The following MROH2A variants were observed in gnomAD, a reference collection of about 807,000 sequenced individuals.
The protein encoded by MROH2A is maestro heat like repeat family member 2A.
A neutral mutation model predicts 200.4 loss-of-function variants in MROH2A; 174 were observed. That is an observed-to-expected ratio of 0.87 (90% confidence interval 0.77 to 0.98). The LOEUF (loss-of-function observed/expected upper bound fraction) is 0.98, where lower values mean the gene tolerates loss of function less well. Ranked by LOEUF, MROH2A falls within the 50% of genes least tolerant of loss-of-function variation. The pLI is 0.00. For synonymous variants in MROH2A, 829 were observed against 840.4 expected (o/e 0.99, Z 0.23); for missense variants, 2,045 against 2,139.6 (o/e 0.96, Z 0.87).
chr2:233,775,832 A>AT (rs1364035039), upstream of MROH2A: 2 of 152,236 alleles, frequency 1.3e-5, no homozygotes, highest in African/African-American at 4.8e-5. Flanking sequence ...CCCATGTGTC[A>AT]TTAGAGGGAC....
chr2:233,817,508 G>A (rs12476112), intron 27 of MROH2A, among the ~76,000 whole-genome samples: 60,001 of 151,984 alleles, frequency 0.39, 14,019 homozygotes, highest in South Asian at 0.56. Flanking sequence ...AATGAGGCAG[G>A]GGCCAAGTCC....
At chr2:233,803,902 T>A in intron 16 of MROH2A, 149 bp from the exon 17 acceptor site, 1 of 1,046,286 alleles carries the variant, frequency 9.6e-7, no homozygotes, top group African/African-American at 1.6e-5. Context: ...TCCTGTAGTG[T>A]CCTCTGCAGG....
chr2:233,793,684 T>A lies in MROH2A; in HGVS notation c.682T>A (p.Phe228Ile). 4 of 1,418,148 alleles carry A rather than the reference T, an allele frequency of 2.8e-6. No individual in the cohort carries two copies. Among genetic ancestry groups the A allele is most frequent in the Non-Finnish European group, 3.7e-6 (4 of 1,081,196 alleles). 87.8% of individuals were successfully genotyped at this position (1,418,148 alleles called of 1,614,324 possible). Residue 228 changes from phenylalanine to isoleucine, a missense_variant, in exon 7 of 42, where the codon TTC becomes ATC. Transcript: ENST00000389758. ...RQAICSAMET[F>I]CETVQFYLKH... The stretch of plus-strand genomic sequence containing the variant: ...GTTGCTGTTGGTAGCCATGGAGACC[T>A]TCTGTGAGACGGTGCAGTTTTATCT...
intron 15 of MROH2A, among the ~76,000 whole-genome samples, chr2:233,802,769 G>A (rs1702551077): frequency 6.6e-6 from 1 of 152,192 alleles, no homozygotes; most frequent in African/African-American, 2.4e-5. Flanking sequence ...CACCTACCAT[G>A]CTTGCTCCTG....
upstream of MROH2A, among the ~76,000 whole-genome samples, chr2:233,775,944 C>T (rs1357262198): frequency 6.6e-6 from 1 of 152,150 alleles, no homozygotes; most frequent in African/African-American, 2.4e-5. Flanking sequence ...GGCTTTTCCC[C>T]CTCTTGCTCA....
intron 38 of MROH2A, 98 bp downstream of exon 38, chr2:233,829,873 T>C (rs1017208470): frequency 2.6e-6 from 3 of 1,151,134 alleles, no homozygotes; most frequent in Non-Finnish European, 3.3e-6. Flanking sequence ...TGCAAGCTTT[T>C]CTCTGCCTCA....
At chr2:233,810,026 A>C (rs1467846363) in intron 22 of MROH2A, among the ~76,000 whole-genome samples, 5 of 152,106 alleles carry the variant, frequency 3.3e-5, no homozygotes, top group African/African-American at 1.2e-4. Flanking sequence ...TGTCTGGCTT[A>C]TTTCATTTAT....
chr2:233,805,115 T>C lies in MROH2A; in HGVS notation c.2052+4T>C. The C allele has an allele frequency of 6.5e-7, 1 of 1,544,134 alleles. No individual in the cohort carries two copies. On this transcript the variant is annotated splice_donor_region_variant and intron_variant, in intron 19 of 41. Coordinates refer to ENST00000389758, the MANE Select transcript of MROH2A (RefSeq NM_001394639.1). Reference sequence around the variant, plus strand: ...TGACAGCCCCTCTCTGGAGAAGGTTTGTCTTCATAGGGACAGGAGAGTTTG... The same window carrying C: ...TGACAGCCCCTCTCTGGAGAAGGTTCGTCTTCATAGGGACAGGAGAGTTTG...
chr2:233,831,465 G>T lies in MROH2A; in HGVS notation c.4659G>T (p.Glu1553Asp), dbSNP rs1032893806. The T allele has an allele frequency of 9.0e-6, 14 of 1,550,446 alleles. No individual in the cohort carries two copies. The African/African-American group carries it at 1.8e-4, about 20-fold the overall frequency. ...ACTTCTGGGGCTGGAAGTCCCTGGAGCATCCCTCAGGGCCAAGTGATACCG... is the reference window on the plus strand; with the variant it reads ...ACTTCTGGGGCTGGAAGTCCCTGGATCATCCCTCAGGGCCAAGTGATACCG... ...CVHFWGWKSL[E>D]HPSGPSDTAT... is the part of the protein sequence containing the mutation. Residue 1553 changes from glutamate (E) to aspartate (D), a missense_variant, in exon 39 of 42, where the codon GAG becomes GAT. Glu to Asp is a conservative substitution (Grantham distance 45, BLOSUM62 2). Around this residue, in one of 3 missense-constraint regions of MROH2A, gnomAD observed 1,201 missense variants for 1,311.3 expected, o/e 0.92. Coordinates refer to ENST00000389758, the MANE Select transcript of MROH2A (RefSeq NM_001394639.1).
At chr2:233,825,900 A>T (rs4602220) in intron 35 of MROH2A, among the ~76,000 whole-genome samples, 84,876 of 145,446 alleles carry the variant, frequency 0.58, 26,922 homozygotes, top group African/African-American at 0.87. Flanking sequence ...TGGTATAAAC[A>T]CCTCTTTGTG....
chr2:233,775,882 C>T (rs546610839), upstream of MROH2A: 14 of 152,338 alleles, frequency 9.2e-5, no homozygotes, highest in East Asian at 1.9e-3. Flanking sequence ...CAGTTATCTC[C>T]ATGCTATTTG....
rs763319453 is a variant in MROH2A at position 233,822,215 on chromosome 2, C to T, written c.3604C>T (p.Leu1202Phe). ...HSLMGRLQSR[L>F]SPRISATSKA... ...CCTGATGGGCCGGCTGCAGTCACGGCTCAGCCCCAGAATCAGTGCCACCTC... is the reference window on the plus strand; with the variant it reads ...CCTGATGGGCCGGCTGCAGTCACGGTTCAGCCCCAGAATCAGTGCCACCTC... The change falls in exon 32 of 42, where the codon CTC becomes TTC. Residue 1202 changes from leucine (L) to phenylalanine (F), a missense_variant. Leu to Phe is a conservative substitution (Grantham distance 22, BLOSUM62 0). This residue lies in a region of MROH2A where 1,201 missense variants were observed against 1,311.3 expected (regional missense o/e 0.92). Coordinates refer to ENST00000389758, the MANE Select transcript of MROH2A (RefSeq NM_001394639.1). 1 of 1,548,532 alleles carries T rather than the reference C, an allele frequency of 6.5e-7. No individual in the cohort carries two copies. The highest frequency in any genetic ancestry group is 8.7e-7 in the Non-Finnish European group (1 of 1,146,994).
intron 14 of MROH2A, among the ~76,000 whole-genome samples, 157 bp downstream of exon 14, chr2:233,800,472 C>G (rs1702392710): frequency 2.0e-5 from 3 of 152,234 alleles, no homozygotes; most frequent in African/African-American, 7.2e-5. Context: ...ACTCAAAACC[C>G]AGTTCCAAAG....
Position 233,822,486 on chromosome 2 carries a change from G to T in MROH2A, c.3796G>T (p.Ala1266Ser). Reference protein sequence around the residue: ...QLGSSHRPEAAPPVLKMWKLV... With the variant: ...QLGSSHRPEASPPVLKMWKLV... ...TGGAAGCAGCCACCGACCAGAGGCC[G>T]CCCCGCCGGTCTTGAAGATGTGGAA... The change falls in exon 33 of 42, where the codon GCC (alanine) becomes TCC (serine). Residue 1266 changes from alanine (A) to serine (S), a missense_variant. Ala to Ser is a moderately conservative substitution (Grantham distance 99). Transcript: ENST00000389758. 6.4e-7 allele frequency: 1 copy of T among 1,550,410 alleles called. No homozygotes were observed. Among genetic ancestry groups the T allele is most frequent in the Non-Finnish European group, 8.7e-7 (1 of 1,147,010 alleles).
chr2:233,777,037 A>G (rs1700728923), upstream of MROH2A, among the ~76,000 whole-genome samples: 1 of 152,224 alleles, frequency 6.6e-6, no homozygotes, highest in Admixed American at 6.5e-5. Context: ...GCTGTCTGAG[A>G]TACATGGGTG....
chr2:233,813,803 T>A (rs1391040870), intron 25 of MROH2A, 25 bp downstream of exon 25: 3 of 1,370,334 alleles, frequency 2.2e-6, no homozygotes, highest in Non-Finnish European at 3.0e-6. Context: ...GATGCCTCAT[T>A]TGCTGGGTCA....
chr2:233,804,681 A>G (rs1702679509), intron 18 of MROH2A, 134 bp downstream of exon 18: 13 of 810,236 alleles, frequency 1.6e-5, no homozygotes, highest in Admixed American at 1.4e-4. Context: ...GTCAGAGAAG[A>G]CTTGGGAGTT....
chr2:233,802,405 C>A, intron 15 of MROH2A, 90 bp downstream of exon 15: 1 of 1,365,812 alleles, frequency 7.3e-7, no homozygotes, highest in Non-Finnish European at 9.9e-7. Context: ...ATTCCTCCCA[C>A]CCTCATTCCC....
At chr2:233,779,132 G>A (rs539615714) in intron 1 of MROH2A, among the ~76,000 whole-genome samples, 24 of 152,308 alleles carry the variant, frequency 1.6e-4, no homozygotes, top group African/African-American at 5.8e-4. Context: ...GTGTGATCAT[G>A]GGAATGACAT....
Sources: gnomAD v4.1 joint callset for allele counts (sites outside exome capture counted in the v4.1 genomes callset) on GRCh38, gnomAD v4.1.1 for gene constraint, gnomAD v4.1.1 regional missense constraint, MANE v1.5 for transcripts, NCBI Gene and HGNC (gene_info 2026-07-23, HGNC 2026-07-21) for gene names.